Variants in SLC25A40 observed in about 807,000 individuals in gnomAD.
The protein encoded by SLC25A40 is solute carrier family 25 member 40, also known as mitochondrial glutathione transporter SLC25A40.
SLC25A40 carries 41 observed loss-of-function variants against 46.5 expected under a neutral mutation model. The ratio of observed to expected loss-of-function variants is 0.88; its 90% CI spans 0.69 to 1.14. SLC25A40 has a LOEUF of 1.14. Among genes scored for constraint, SLC25A40 ranks in the 50% most tolerant of loss-of-function variants. SLC25A40 has a pLI of 0.00. For missense variants in SLC25A40, 386 were observed against 393.6 expected (o/e 0.98, Z 0.16); for synonymous variants, 126 against 127.5 (o/e 0.99, Z 0.08).
At chr7:87,873,259 A>C (rs1024115202) in intron 1 of SLC25A40, among the ~76,000 whole-genome samples, 1 of 152,116 alleles carries the variant, frequency 6.6e-6, no homozygotes, top group Non-Finnish European at 1.5e-5. Flanking sequence ...AGTGATAAGT[A>C]CTACAAAATT....
chr7:87,845,311 C>G (rs1838397532), intron 8 of SLC25A40, among the ~76,000 whole-genome samples: 1 of 152,134 alleles, frequency 6.6e-6, no homozygotes, highest in South Asian at 2.1e-4. Flanking sequence ...AGGATTGGTA[C>G]TGGTCTGTGT....
In SLC25A40 at chr7:87,835,045, TCA is replaced by T. The variant is rs925657125; in HGVS notation, c.*1202_*1203del. On this transcript the variant is annotated 3_prime_UTR_variant, in exon 12 of 12. Transcript: ENST00000341119. ...TCATTTTAGGGGAGAAAAAAATGCT[TCA>T]CATTTTTCTAAAATAAAGACTGCAA... The T allele has an allele frequency of 6.6e-6, 1 of 151,372 alleles. No homozygotes were observed. The highest frequency in any genetic ancestry group is 2.4e-5 in the African/African-American group (1 of 41,348). 9.4% of individuals were successfully genotyped at this position (151,372 alleles called of 1,614,324 possible). A position where few individuals can be genotyped will look rare whatever the true frequency, so the allele number is the denominator to read the frequency against.
intron 2 of SLC25A40, among the ~76,000 whole-genome samples, chr7:87,860,343 T>C (rs1475818197): frequency 6.6e-6 from 1 of 152,096 alleles, no homozygotes; most frequent in East Asian, 1.9e-4. Flanking sequence ...TTACATATAA[T>C]TTTTTTTCTG....
intron 5 of SLC25A40, among the ~76,000 whole-genome samples, chr7:87,852,260 A>G (rs1838524836): frequency 6.6e-6 from 1 of 152,178 alleles, no homozygotes; most frequent in South Asian, 2.1e-4. Context: ...GAACTTTGGG[A>G]ATAGCGAAAA....
intron 4 of SLC25A40, among the ~76,000 whole-genome samples, chr7:87,855,790 T>G (rs1838605032): frequency 6.6e-6 from 1 of 152,236 alleles, no homozygotes; most frequent in Non-Finnish European, 1.5e-5. Context: ...GCCATTATCT[T>G]TATAAACCTA....
chr7:87,852,586 TATAAAA>T (rs1423253624), intron 5 of SLC25A40, among the ~76,000 whole-genome samples: 1 of 151,774 alleles, frequency 6.6e-6, no homozygotes, highest in African/African-American at 2.4e-5. Context: ...GAAAAAGAAA[TATAAAA>T]ATAAAGTGAG....
intron 1 of SLC25A40, among the ~76,000 whole-genome samples, chr7:87,869,497 C>T (rs754991182): frequency 6.6e-6 from 1 of 151,634 alleles, no homozygotes; most frequent in Non-Finnish European, 1.5e-5. Flanking sequence ...CTATTGCATG[C>T]CAGCCTGGGT....
rs1250750072 is a variant in SLC25A40, at chr7:87,835,690, C to G, written c.*559G>C. 1 of 151,900 alleles carries G rather than the reference C, an allele frequency of 6.6e-6. No homozygotes were observed. The highest frequency in any genetic ancestry group is 1.5e-5 in the Non-Finnish European group (1 of 67,962). 9.4% of individuals were successfully genotyped at this position (151,900 alleles called of 1,614,324 possible). Reference sequence around the variant, plus strand: ...AGAGAAATGTTAATACATATGAAGCCTTAAAACAGCAACATGGCGGGGAAG... The same window carrying G: ...AGAGAAATGTTAATACATATGAAGCGTTAAAACAGCAACATGGCGGGGAAG... On this transcript the variant is annotated 3_prime_UTR_variant, in exon 12 of 12. Transcript: ENST00000341119.
chr7:87,838,615 T>G (rs138491349), intron 10 of SLC25A40, among the ~76,000 whole-genome samples: 37 of 151,594 alleles, frequency 2.4e-4, no homozygotes, highest in African/African-American at 8.4e-4. Flanking sequence ...CCTCTATATA[T>G]TCCTCCCCAA....
intron 10 of SLC25A40, among the ~76,000 whole-genome samples, chr7:87,839,533 G>A (rs1339102139): frequency 6.6e-6 from 1 of 150,694 alleles, no homozygotes; most frequent in Admixed American, 6.6e-5. Flanking sequence ...AGTAAATTTG[G>A]GCCAGGTTTA....
intron 3 of SLC25A40, 145 bp from the exon 4 acceptor site, chr7:87,856,496 T>C: frequency 1.3e-6 from 1 of 743,714 alleles, no homozygotes; most frequent in South Asian, 1.5e-5. Context: ...TAGTCTTGAA[T>C]GTAACATTCT....
intron 1 of SLC25A40, among the ~76,000 whole-genome samples, chr7:87,864,726 A>G (rs1055285876): frequency 9.9e-5 from 15 of 152,134 alleles, no homozygotes; most frequent in African/African-American, 3.6e-4. Context: ...TTTCTTGTGG[A>G]CAGCATATGG....
At position 87,875,247 on chromosome 7, in the gene SLC25A40, C is replaced by A. The variant is rs1279982228; in HGVS notation, c.-94+849G>T. Among the ~76,000 whole-genome samples, 59 of 152,214 alleles carry A rather than the reference C, an allele frequency of 3.9e-4. 1 individual carries two copies. Among genetic ancestry groups the A allele is most frequent in the African/African-American group, 2.4e-5 (1 of 41,454 alleles). On this transcript the variant is annotated intron_variant, in intron 1 of 11. Transcript: ENST00000341119. ...GACATTTCTCTCGAGTCATAAACAT[C>A]TTTAACTGTCTAATAAGCATAGTTC...
At chr7:87,836,709 C>A (rs773851936) in intron 11 of SLC25A40, 21 bp downstream of exon 11, 2 of 1,441,632 alleles carry the variant, frequency 1.4e-6, no homozygotes, top group South Asian at 1.3e-5. Context: ...TTCAATGATT[C>A]GGTAAAGCAA....
chr7:87,846,659 T>C (rs1332309817), intron 8 of SLC25A40, among the ~76,000 whole-genome samples: 2 of 152,136 alleles, frequency 1.3e-5, no homozygotes, highest in African/African-American at 4.8e-5. Flanking sequence ...TAATATTAAA[T>C]GACTTATTTA....
At chr7:87,856,563 C>A (rs563531183) in intron 3 of SLC25A40, among the ~76,000 whole-genome samples, 1 of 152,244 alleles carries the variant, frequency 6.6e-6, no homozygotes, top group Non-Finnish European at 1.5e-5. Flanking sequence ...TTACTTCTCT[C>A]ATGAGTACTA....
chr7:87,844,235 A>G (rs766272416), intron 8 of SLC25A40, among the ~76,000 whole-genome samples: 1 of 152,166 alleles, frequency 6.6e-6, no homozygotes, highest in Non-Finnish European at 1.5e-5. Context: ...ATCATGTACT[A>G]TGATTAAGTT....
intron 9 of SLC25A40, 128 bp from the exon 10 acceptor site, chr7:87,841,842 A>C: frequency 2.3e-6 from 1 of 428,060 alleles, no homozygotes; most frequent in Non-Finnish European, 3.9e-6. Context: ...AAATGAAATA[A>C]TATATATATT....
At position 87,846,964 on chromosome 7, in the gene SLC25A40, C is replaced by A; in HGVS notation, c.616G>T (p.Asp206Tyr). 1 of 1,610,046 alleles carries A rather than the reference C, an allele frequency of 6.2e-7. No individual in the cohort carries two copies. Among genetic ancestry groups the A allele is most frequent in the South Asian group, 1.1e-5 (1 of 90,696 alleles). Residue 206 changes from aspartate (D) to tyrosine (Y), a missense_variant, in exon 8 of 12, where the codon GAT (aspartate) becomes TAT (tyrosine). Asp to Tyr is a radical substitution (Grantham distance 160). Coordinates refer to ENST00000341119, the MANE Select transcript of SLC25A40 (RefSeq NM_018843.4). ...WRGWAPTVLR[D>Y]VPFSAMYWYN... ...TAAATCCTACCTGAGAAAGGTACAT[C>A]TCTAAGAACAGTAGGAGCCCAGCCC...
Sources: allele counts gnomAD v4.1 joint callset (sites outside exome capture counted in the v4.1 genomes callset), GRCh38; gene constraint gnomAD v4.1.1; transcripts MANE v1.5; gene names NCBI Gene and HGNC (gene_info 2026-07-23, HGNC 2026-07-21).